The following KNL1 variants were observed in gnomAD, a reference collection of about 807,000 sequenced individuals.
The protein encoded by KNL1 is kinetochore scaffold 1.
KNL1 carries 66 observed loss-of-function variants against 201.3 expected under a neutral mutation model. That is an observed-to-expected ratio of 0.33 (90% CI 0.27 to 0.40). The LOEUF is 0.40. Ranked by LOEUF, KNL1 falls within the 10% of genes least tolerant of loss-of-function variation. The probability of loss-of-function intolerance (pLI) is 1.00; values close to 1 mark genes in which losing one functional copy is unlikely to be tolerated. For missense variants in KNL1, 2,815 were observed against 2,690.5 expected (o/e 1.05, Z -1.02); for synonymous variants, 895 against 899.2 (o/e 1.00, Z 0.08).
intron 1 of KNL1, among the ~76,000 whole-genome samples, chr15:40,596,437 C>T (rs1891621889): frequency 6.6e-6 from 1 of 151,992 alleles, no homozygotes; most frequent in South Asian, 2.1e-4. Flanking sequence ...CCACCATGCG[C>T]AGCCAATTTT....
chr15:40,620,585 G>T, intron 9 of KNL1, 55 bp from the exon 10 acceptor site: 1 of 1,118,836 alleles, frequency 8.9e-7, no homozygotes, highest in Non-Finnish European at 1.3e-6. Flanking sequence ...GTTGTAAAAT[G>T]CCTTTTTAAA....
rs568970586 is a variant in KNL1 at position 40,630,573 on chromosome 15, G to A, written c.5682+1202G>A. Among the ~76,000 whole-genome samples the A allele has an allele frequency of 1.4e-4, 22 of 152,232 alleles. No individual in the cohort carries two copies. In the East Asian group the frequency reaches 4.1e-3, roughly 28 times the overall value. ...TCCCATTGCTTGCATTACCAACTGA[G>A]CTCTGCCTCCTTTCAGATCAGCAGT... is the stretch of plus-strand genomic sequence containing the variant. On this transcript the variant is annotated intron_variant, in intron 13 of 25. Transcript: ENST00000399668.
At position 40,622,923 on chromosome 15, in the gene KNL1, T is replaced by C; in HGVS notation, c.2659T>C (p.Leu887=). Residue 887 remains leucine, a synonymous_variant, in exon 10 of 26, where the codon TTA becomes CTA. Transcript: ENST00000399668. ...SYTIEINHRP[L]LEKRDCHLVP... Reference sequence around the variant, plus strand: ...TACAATAGAAATAAACCATAGACCTTTATTAGAGAAACGTGATTGTCATTT... The same window carrying C: ...TACAATAGAAATAAACCATAGACCTCTATTAGAGAAACGTGATTGTCATTT... The C allele has an allele frequency of 6.2e-7, 1 of 1,613,188 alleles. No homozygotes were observed.
intron 5 of KNL1, among the ~76,000 whole-genome samples, chr15:40,609,362 C>T (rs992217620): frequency 6.6e-6 from 1 of 152,078 alleles, no homozygotes; most frequent in East Asian, 1.9e-4. Context: ...CTGCAGTGAG[C>T]CATGATAGTG....
Position 40,625,231 on chromosome 15 carries a change from G to C in KNL1, c.4967G>C (p.Arg1656Thr). 2 of 1,613,928 alleles carry C rather than the reference G, an allele frequency of 1.2e-6. No homozygotes were observed. Among genetic ancestry groups the C allele is most frequent in the Non-Finnish European group, 8.5e-7 (1 of 1,179,936 alleles). The change falls in exon 10 of 26, where the codon AGA becomes ACA. Residue 1656 changes from arginine to threonine, a missense_variant. Arg to Thr is a moderately conservative substitution (Grantham distance 71). Coordinates refer to ENST00000399668, the MANE Select transcript of KNL1 (RefSeq NM_144508.5). ...RRCSLGIFLP[R>T]LPNKRNCSVT... ...TGTTCTTTGGGAATCTTTTTGCCTA[G>C]ATTGCCCAACAAGAGAAATTGTAGT...
chr15:40,603,900 A>G (rs922488006), intron 2 of KNL1, among the ~76,000 whole-genome samples: 1 of 152,218 alleles, frequency 6.6e-6, no homozygotes, highest in Admixed American at 6.5e-5. Flanking sequence ...TGAGGGTAGT[A>G]ACTTCCAGCT....
chr15:40,662,223 T>G lies in KNL1; in HGVS notation c.*35T>G. ...CCACCATTGGAACAACCAAGCAGAA[T>G]GTACTTGATATTATTTCAGGGTCCC... On this transcript the variant is annotated 3_prime_UTR_variant, in exon 26 of 26. Transcript: ENST00000399668. 4 of 1,174,728 alleles carry G rather than the reference T, an allele frequency of 3.4e-6. No individual in the cohort carries two copies. The highest frequency in any genetic ancestry group is 5.1e-6 in the Non-Finnish European group (4 of 783,042). 72.8% of individuals were successfully genotyped at this position (1,174,728 alleles called of 1,614,324 possible).
intron 4 of KNL1, among the ~76,000 whole-genome samples, chr15:40,607,100 A>G (rs536744310): frequency 2.6e-4 from 39 of 152,224 alleles, no homozygotes; most frequent in African/African-American, 9.4e-4. Flanking sequence ...GGGTCTTGCT[A>G]TGTTGGCTGG....
At position 40,602,037 on chromosome 15, in the gene KNL1, G is replaced by GT. The variant is rs538082249; in HGVS notation, c.-17-868dup. Among the ~76,000 whole-genome samples, 695 of 136,720 alleles carry GT rather than the reference G, an allele frequency of 5.1e-3. 5 individuals carry two copies. Among genetic ancestry groups the GT allele is most frequent in the African/African-American group, 0.015 (560 of 37,390 alleles). 89.7% of individuals were successfully genotyped at this position (136,720 alleles called of 152,430 possible). On this transcript the variant is annotated intron_variant, in intron 1 of 25. Transcript: ENST00000399668. ...TTGTGGGTTTTTTTGTTTTGTTTTTGTTTTTTTTTTGAGACGGAGTCTTGC... is the reference window on the plus strand; with the variant it reads ...TTGTGGGTTTTTTTGTTTTGTTTTTGTTTTTTTTTTTGAGACGGAGTCTTGC...
chr15:40,595,108 A>C (rs1891585554), intron 1 of KNL1, among the ~76,000 whole-genome samples: 2 of 152,208 alleles, frequency 1.3e-5, no homozygotes, highest in Non-Finnish European at 2.9e-5. Context: ...AAGGATGTGG[A>C]TGAAGACCAA....
chr15:40,661,907 G>A (rs567560231), intron 25 of KNL1, among the ~76,000 whole-genome samples, 167 bp from the exon 26 acceptor site: 1 of 152,234 alleles, frequency 6.6e-6, no homozygotes, highest in Non-Finnish European at 1.5e-5. Context: ...CGGGCGTGGT[G>A]GCAGGCGCCT....
chr15:40,650,570 G>A lies in KNL1; in HGVS notation c.6199G>A (p.Glu2067Lys). Reference protein sequence around the residue: ...KELEQLKTEEEELQRNLLELE... With the variant: ...KELEQLKTEEKELQRNLLELE... ...ATTGGAACAGCTGAAAACTGAAGAA[G>A]AGGAGCTTCAAAGGTCAGCCTTCAA... The change falls in exon 19 of 26, where the codon GAG becomes AAG. Residue 2067 changes from glutamate (E) to lysine (K), a missense_variant. Physicochemically the swap from Glu to Lys is moderately conservative, Grantham distance 56. Transcript: ENST00000399668. 6.4e-7 allele frequency: 1 copy of A among 1,560,458 alleles called. No individual in the cohort carries two copies. The highest frequency in any genetic ancestry group is 2.3e-5 in the East Asian group (1 of 44,210).
Position 40,606,699 on chromosome 15 carries a change from A to G in KNL1, c.135+247A>G, listed in dbSNP as rs75088619. Among the ~76,000 whole-genome samples, 5 of 152,168 alleles carry G rather than the reference A, an allele frequency of 3.3e-5. No homozygotes were observed. In the South Asian group the frequency reaches 6.2e-4, roughly 19 times the overall value. On this transcript the variant is annotated intron_variant, in intron 4 of 25. Transcript: ENST00000399668. ...CTGCAGCCTTGCATTCCTGGGCTCA[A>G]TCAATCTTCCCGCCTCAGCCTCCTG... is the stretch of plus-strand genomic sequence containing the variant.
intron 15 of KNL1, 144 bp from the exon 16 acceptor site, chr15:40,645,512 C>A: frequency 9.3e-6 from 4 of 429,840 alleles, no homozygotes; most frequent in Admixed American, 3.8e-5. Flanking sequence ...AATCTTTTTT[C>A]TGGTCTTAGA....
rs182102898 is a variant in KNL1 at position 40,596,957 on chromosome 15, G to A, written c.-18+2565G>A. On this transcript the variant is annotated intron_variant, in intron 1 of 25. Transcript: ENST00000399668. ...AGAGGTTGCAGTGAGCCAAGATTGC[G>A]CCATTGTACTCCAGCCTGGGCAACA... Among the ~76,000 whole-genome samples the A allele has an allele frequency of 3.5e-3, 489 of 139,272 alleles. 1 individual carries two copies. The highest frequency in any genetic ancestry group is 8.5e-3 in the Middle Eastern group (2 of 234). 91.4% of individuals were successfully genotyped at this position (139,272 alleles called of 152,430 possible).
intron 8 of KNL1, among the ~76,000 whole-genome samples, chr15:40,617,753 C>G (rs1892388075): frequency 6.6e-6 from 1 of 151,992 alleles, no homozygotes; most frequent in Non-Finnish European, 1.5e-5. Flanking sequence ...AGATACTCCT[C>G]CTTGAGGAGC....
intron 8 of KNL1, among the ~76,000 whole-genome samples, chr15:40,618,237 AT>A (rs1892407441): frequency 6.6e-6 from 1 of 151,932 alleles, no homozygotes; most frequent in Admixed American, 6.6e-5. Context: ...TTGCCCTAAC[AT>A]GACCTCTTGC....
Position 40,624,966 on chromosome 15 carries a change from A to G in KNL1, c.4702A>G (p.Thr1568Ala), listed in dbSNP as rs779262534. 9.3e-6 allele frequency: 15 copies of G among 1,613,948 alleles called. No individual in the cohort carries two copies. Among genetic ancestry groups the G allele is most frequent in the Non-Finnish European group, 1.2e-5 (14 of 1,179,968 alleles). Residue 1568 changes from threonine (T) to alanine (A), a missense_variant, in exon 10 of 26, where the codon ACT (threonine) becomes GCT (alanine). By Grantham distance (58) the Thr-to-Ala change is moderately conservative (BLOSUM62 0). This residue lies in a region of KNL1 where 2,464 missense variants were observed against 2,291.7 expected (regional missense o/e 1.08). Transcript: ENST00000399668. The part of the protein sequence containing the change: ...KPNLNNLNGK[T>A]GEFLAFQTVH... The stretch of plus-strand genomic sequence containing the variant: ...AAATCTGAATAATTTGAATGGAAAA[A>G]CTGGAGAGTTTTTAGCCTTTCAAAC...
rs983573969 is a variant in KNL1, at chr15:40,663,614, A to G, written c.*1426A>G. 3 of 192,990 alleles carry G rather than the reference A, an allele frequency of 1.6e-5. No homozygotes were observed. The highest frequency in any genetic ancestry group is 2.3e-5 in the African/African-American group (1 of 43,148). The allele number at this position is 192,990 out of a possible 1,614,324, so 12.0% of individuals were successfully genotyped here. A position where few individuals can be genotyped will look rare whatever the true frequency, so the allele number is the denominator to read the frequency against. On this transcript the variant is annotated 3_prime_UTR_variant, in exon 26 of 26. Transcript: ENST00000399668. ...ATGTCACATCCAAAACACTAGTTTC[A>G]TCAATTTCTAGCAGTAATAATAGAC...
Sources: allele counts gnomAD v4.1 joint callset (sites outside exome capture counted in the v4.1 genomes callset), GRCh38; gene constraint gnomAD v4.1.1; regional missense constraint gnomAD v4.1.1; transcripts MANE v1.5; gene names NCBI Gene and HGNC (gene_info 2026-07-23, HGNC 2026-07-21).